PRRG2: variants seen among roughly 807,000 people sequenced by gnomAD.
PRRG2 encodes the protein proline rich and Gla domain 2.
Under a neutral mutation model 27.1 loss-of-function variants are expected in PRRG2, and 23 were observed. The ratio of observed to expected loss-of-function variants is 0.85; its 90% CI spans 0.61 to 1.20. PRRG2 has a LOEUF of 1.20. PRRG2 is among the 50% of genes most tolerant of loss of function. The pLI is 0.00. For synonymous variants in PRRG2, 104 were observed against 103.4 expected, an observed-to-expected ratio of 1.01 and a Z score of -0.03; for missense variants, 276 against 254.8, an observed-to-expected ratio of 1.08 and a Z score of -0.57.
chr19:49,586,545 C>A (rs1445234933), intron 4 of PRRG2, among the ~76,000 whole-genome samples: 1 of 152,090 alleles, frequency 6.6e-6, no homozygotes, highest in Non-Finnish European at 1.5e-5. Flanking sequence ...TAGCACCACA[C>A]CCAGCTATTA....
Position 49,590,987 on chromosome 19 carries a change from T to TA in PRRG2, c.*600dup, listed in dbSNP as rs11395858. 3,926 of 152,572 alleles carry TA rather than the reference T, an allele frequency of 0.026. 162 individuals carry two copies. The highest frequency in any genetic ancestry group is 0.09 in the African/African-American group (3,699 of 41,264). The allele number at this position is 152,572 out of a possible 1,614,324, so 9.5% of individuals were successfully genotyped here. Reference sequence around the variant, plus strand: ...AAAGCAGAAATAATGCAAAAAATAATAATGAAATGAACTGCGATCCCGGGC... The same window carrying TA: ...AAAGCAGAAATAATGCAAAAAATAATAAATGAAATGAACTGCGATCCCGGGC... On this transcript the variant is annotated 3_prime_UTR_variant, in exon 7 of 7. Transcript: ENST00000246794.
Position 49,589,897 on chromosome 19 carries a change from C to T in PRRG2, c.438-3C>T. On this transcript the variant is annotated splice_region_variant and splice_polypyrimidine_tract_variant and intron_variant, in intron 5 of 6. Coordinates refer to ENST00000246794, the MANE Select transcript of PRRG2 (RefSeq NM_000951.3). ...CTGCTAACTGTACCTTTGCTGTCCCCAGGGCCGGGCTCATTAGCCCTCTGA... is the reference window on the plus strand; with the variant it reads ...CTGCTAACTGTACCTTTGCTGTCCCTAGGGCCGGGCTCATTAGCCCTCTGA... 1 of 1,613,358 alleles carries T rather than the reference C, an allele frequency of 6.2e-7. No individual in the cohort carries two copies. The highest frequency in any genetic ancestry group is 8.5e-7 in the Non-Finnish European group (1 of 1,179,940).
chr19:49,590,529 G>T lies in PRRG2; in HGVS notation c.*140G>T, dbSNP rs543852456. The T allele has an allele frequency of 7.4e-6, 9 of 1,211,078 alleles. No individual in the cohort carries two copies. The highest frequency in any genetic ancestry group is 1.5e-5 in the African/African-American group (1 of 65,566). The allele number at this position is 1,211,078 out of a possible 1,614,324, so 75.0% of individuals were successfully genotyped here. On this transcript the variant is annotated 3_prime_UTR_variant, in exon 7 of 7. Coordinates refer to ENST00000246794, the MANE Select transcript of PRRG2 (RefSeq NM_000951.3). ...GTAGGGGTCATCCGGCCCGAGGCCT[G>T]CCCTGGCACACGCGTTTCCGCCGCG...
intron 3 of PRRG2, 27 bp from the exon 4 acceptor site, chr19:49,583,886 C>T: frequency 6.2e-7 from 1 of 1,613,030 alleles, no homozygotes; most frequent in East Asian, 2.2e-5. Context: ...GCTTTTTCCC[C>T]TTCTTTTCCA....
At chr19:49,585,470 C>T (rs1016868119) in intron 4 of PRRG2, among the ~76,000 whole-genome samples, 6 of 152,196 alleles carry the variant, frequency 3.9e-5, no homozygotes, top group Non-Finnish European at 8.8e-5. Flanking sequence ...TGAAGCTGCA[C>T]TTGCGCCTTT....
chr19:49,588,478 C>A lies in PRRG2; in HGVS notation c.302-19C>A. Reference sequence around the variant, plus strand: ...GGCAGTCCCCGAGACAGTGTCTCCCCTTCCCTACTTTCCTGCAGGGCGTGG... The same window carrying A: ...GGCAGTCCCCGAGACAGTGTCTCCCATTCCCTACTTTCCTGCAGGGCGTGG... On this transcript the variant is annotated intron_variant, in intron 4 of 6. Coordinates refer to ENST00000246794, the MANE Select transcript of PRRG2 (RefSeq NM_000951.3). The A allele has an allele frequency of 6.3e-7, 1 of 1,583,908 alleles. No homozygotes were observed. Among genetic ancestry groups the A allele is most frequent in the Non-Finnish European group, 8.6e-7 (1 of 1,166,048 alleles).
At chr19:49,584,066 A>C in intron 4 of PRRG2, 114 bp downstream of exon 4, 1 of 1,152,088 alleles carries the variant, frequency 8.7e-7, no homozygotes, top group Non-Finnish European at 1.2e-6. Flanking sequence ...CTGCCCCCCA[A>C]TTCTGTGCTC....
At chr19:49,590,186 GCCCCAT>G in intron 6 of PRRG2, 134 bp downstream of exon 6, 4 of 1,404,698 alleles carry the variant, frequency 2.8e-6, no homozygotes, top group Non-Finnish European at 2.9e-6. Flanking sequence ...CGGGGGCGGG[GCCCCAT>G]GCAATGGTCT....
chr19:49,590,722 T>C lies in PRRG2; in HGVS notation c.*333T>C, dbSNP rs1017812686. 5 of 417,554 alleles carry C rather than the reference T, an allele frequency of 1.2e-5. No homozygotes were observed. In the East Asian group the frequency reaches 2.5e-4, roughly 21 times the overall value. The allele number at this position is 417,554 out of a possible 1,614,324, so 25.9% of individuals were successfully genotyped here. On this transcript the variant is annotated 3_prime_UTR_variant, in exon 7 of 7. Transcript: ENST00000246794. ...AGCCCCGGCTGTGCCATCTTGTGTA[T>C]GGGCAGATATGACCTGACAGCCCCC... is the stretch of plus-strand genomic sequence containing the variant.
chr19:49,583,675 C>T lies in PRRG2; in HGVS notation c.219C>T (p.Ser73=). ...GGGAGTGTCTGGAAGAGAGGTGTTC[C>T]TGGGAAGAGGCCAGGGAGTATTTTG... ...LERECLEERC[S]WEEAREYFED... Residue 73 remains serine (S), a synonymous_variant, in exon 3 of 7, where the codon TCC becomes TCT. Transcript: ENST00000246794. 1 of 1,614,152 alleles carries T rather than the reference C, an allele frequency of 6.2e-7. No individual in the cohort carries two copies. The highest frequency in any genetic ancestry group is 8.5e-7 in the Non-Finnish European group (1 of 1,180,016).
At position 49,589,894 on chromosome 19, in the gene PRRG2, C is replaced by T. The variant is rs1461783429; in HGVS notation, c.438-6C>T. 2 of 1,613,196 alleles carry T rather than the reference C, an allele frequency of 1.2e-6. No individual in the cohort carries two copies. Among genetic ancestry groups the T allele is most frequent in the African/African-American group, 1.3e-5 (1 of 74,888 alleles). On this transcript the variant is annotated splice_region_variant and splice_polypyrimidine_tract_variant and intron_variant, in intron 5 of 6. Transcript: ENST00000246794. ...CCTCTGCTAACTGTACCTTTGCTGT[C>T]CCCAGGGCCGGGCTCATTAGCCCTC...
intron 1 of PRRG2, 41 bp from the exon 2 acceptor site, chr19:49,583,166 G>GA: frequency 6.5e-7 from 1 of 1,545,050 alleles, no homozygotes; most frequent in South Asian, 1.1e-5. Context: ...TCATTACCCA[G>GA]GGACTAAGGC....
At chr19:49,583,330 C>T in intron 2 of PRRG2, 26 bp downstream of exon 2, 1 of 1,608,302 alleles carries the variant, frequency 6.2e-7, no homozygotes, top group South Asian at 1.1e-5. Flanking sequence ...AAGTGGCATC[C>T]AGACACTTGG....
chr19:49,590,321 G>GT (rs2080709980), intron 6 of PRRG2, 50 bp from the exon 7 acceptor site: 1 of 1,613,694 alleles, frequency 6.2e-7, no homozygotes, highest in African/African-American at 1.3e-5. Flanking sequence ...TTGAAGGGGG[G>GT]AGAAAAACAG....
In PRRG2 at chr19:49,588,599, G is replaced by A. The variant is rs372756332; in HGVS notation, c.404G>A (p.Arg135Gln). 376 of 1,547,982 alleles carry A rather than the reference G, an allele frequency of 2.4e-4. No individual in the cohort carries two copies. The highest frequency in any genetic ancestry group is 5.9e-4 in the Admixed American group (30 of 50,478). Reference protein sequence around the residue: ...GLGAFWYLRWRQHRGQQPCPQ... With the variant: ...GLGAFWYLRWQQHRGQQPCPQ... ...GGAGCCTTTTGGTATCTGCGCTGGC[G>A]ACAGCACCGAGGCCAGCAGCCCTGT... Residue 135 changes from arginine to glutamine, a missense_variant, in exon 5 of 7, where the codon CGA (arginine) becomes CAA (glutamine). Transcript: ENST00000246794.
rs2080711343 is a variant in PRRG2, at chr19:49,590,381, C to A, written c.601C>A (p.Pro201Thr). The change falls in exon 7 of 7, where the codon CCT becomes ACT. Residue 201 changes from proline (P) to threonine (T), a missense_variant. Coordinates refer to ENST00000246794, the MANE Select transcript of PRRG2 (RefSeq NM_000951.3). ...PPPPYTSLRR[P>T]H ...CCTTTCCTCTTGCAGCCTCAGGAGG[C>A]CTCACTGAAGAGCTGCTTTCGAGAC... 1.2e-6 allele frequency: 2 copies of A among 1,614,110 alleles called. No individual in the cohort carries two copies. The highest frequency in any genetic ancestry group is 1.7e-6 in the Non-Finnish European group (2 of 1,180,002).
chr19:49,589,725 C>T (rs1227116406), intron 5 of PRRG2, among the ~76,000 whole-genome samples, 175 bp from the exon 6 acceptor site: 1 of 151,916 alleles, frequency 6.6e-6, no homozygotes, highest in Admixed American at 6.6e-5. Context: ...TCATTTGAGG[C>T]GCTTTTCTGT....
chr19:49,581,431 C>CAAGG lies in PRRG2; in HGVS notation c.-62_-59dup, dbSNP rs2080622343. 1 of 152,284 alleles carries CAAGG rather than the reference C, an allele frequency of 6.6e-6. No homozygotes were observed. The highest frequency in any genetic ancestry group is 1.5e-5 in the Non-Finnish European group (1 of 68,146). 9.4% of individuals were successfully genotyped at this position (152,284 alleles called of 1,614,324 possible). A position where few individuals can be genotyped will look rare whatever the true frequency, so the allele number is the denominator to read the frequency against. ...CCTTTCACAGCTGGCTGTAGCTGGC[C>CAAGG]AAGGAGTTCTCGATTAAAGAGGAAG... On this transcript the variant is annotated 5_prime_UTR_variant, in exon 1 of 7. Coordinates refer to ENST00000246794, the MANE Select transcript of PRRG2 (RefSeq NM_000951.3).
intron 4 of PRRG2, 141 bp downstream of exon 4, chr19:49,584,093 A>G (rs1046429711): frequency 3.6e-6 from 3 of 830,844 alleles, no homozygotes; most frequent in Non-Finnish European, 5.4e-6. Context: ...GCTGGCTGCT[A>G]AAGGAGTTCC....
Sources: allele counts gnomAD v4.1 joint callset (sites outside exome capture counted in the v4.1 genomes callset), GRCh38; gene constraint gnomAD v4.1.1; transcripts MANE v1.5; gene names NCBI Gene and HGNC (gene_info 2026-07-23, HGNC 2026-07-21).